CFAP91: variants seen among roughly 807,000 people sequenced by gnomAD.
CFAP91 encodes cilia- and flagella-associated protein 91.
CFAP91 carries 85 observed loss-of-function variants against 95.9 expected under a neutral mutation model. The observed-to-expected ratio is 0.89, with a 90% confidence interval of 0.74 to 1.06. The LOEUF (loss-of-function observed/expected upper bound fraction) is 1.06, where lower values mean the gene tolerates loss of function less well. CFAP91 is among the 50% of genes least tolerant of loss of function. The probability of loss-of-function intolerance (pLI) is 0.00; values close to 1 mark genes in which losing one functional copy is unlikely to be tolerated. For synonymous variants in CFAP91, 335 were observed against 327.5 expected (o/e 1.02, Z -0.25); for missense variants, 962 against 943.4 (o/e 1.02, Z -0.26).
intron 5 of CFAP91, among the ~76,000 whole-genome samples, chr3:119,712,105 A>G (rs1021057780): frequency 1.7e-4 from 26 of 152,238 alleles, no homozygotes; most frequent in Admixed American, 9.8e-4. Context: ...TCAGGCCAGC[A>G]TGGAGCAGAT....
At chr3:119,733,626 C>T (rs2053944761) in intron 10 of CFAP91, 120 bp downstream of exon 10, 2 of 1,025,466 alleles carry the variant, frequency 2.0e-6, no homozygotes, top group Middle Eastern at 2.6e-4. Flanking sequence ...CTCTGCTCTG[C>T]ACTTTTCTGA....
intron 17 of CFAP91, among the ~76,000 whole-genome samples, chr3:119,758,069 T>C (rs2054466690): frequency 6.6e-6 from 1 of 152,194 alleles, no homozygotes; most frequent in African/African-American, 2.4e-5. Flanking sequence ...GGTTGGTTGG[T>C]TGGTTTTTGG....
Position 119,739,511 on chromosome 3 carries a change from G to C in CFAP91, c.1533+185G>C, listed in dbSNP as rs1374102850. 8.9e-6 allele frequency: 5 copies of C among 560,338 alleles called. No homozygotes were observed. The African/African-American group carries it at 9.4e-5, about 11-fold the overall frequency. 34.7% of individuals were successfully genotyped at this position (560,338 alleles called of 1,614,324 possible). On this transcript the variant is annotated intron_variant, in intron 12 of 17. Coordinates refer to ENST00000273390, the MANE Select transcript of CFAP91 (RefSeq NM_033364.4). Reference sequence around the variant, plus strand: ...TCCTTCTAATGGCATCATTTGTCCAGGTGGGTGGCACAGTGTCAAGGAGAG... The same window carrying C: ...TCCTTCTAATGGCATCATTTGTCCACGTGGGTGGCACAGTGTCAAGGAGAG...
chr3:119,707,045 G>A (rs1388009938), intron 2 of CFAP91, 160 bp downstream of exon 2: 11 of 614,610 alleles, frequency 1.8e-5, no homozygotes, highest in South Asian at 6.2e-5. Flanking sequence ...ATCTTAATAC[G>A]TGTGGCTCAT....
intron 7 of CFAP91, among the ~76,000 whole-genome samples, chr3:119,728,124 G>GCTA (rs1042280271): frequency 6.9e-6 from 1 of 145,158 alleles, no homozygotes; most frequent in African/African-American, 2.9e-5. Flanking sequence ...ATAATAATAT[G>GCTA]ATAATGATGA....
At chr3:119,722,550 G>A (rs2107873721) in intron 6 of CFAP91, among the ~76,000 whole-genome samples, 1 of 152,170 alleles carries the variant, frequency 6.6e-6, no homozygotes, top group Admixed American at 6.5e-5. Context: ...GTGTAGTAAT[G>A]TGATCATAGC....
chr3:119,741,355 G>GA lies in CFAP91; in HGVS notation c.1680+666dup, dbSNP rs748288125. On this transcript the variant is annotated intron_variant, in intron 13 of 17. Transcript: ENST00000273390. Reference sequence around the variant, plus strand: ...ACTGAATAAATAACAAAAGCAACATGAAAAAAGTGAGAAATAAGATTTATC... The same window carrying GA: ...ACTGAATAAATAACAAAAGCAACATGAAAAAAAGTGAGAAATAAGATTTATC... 1.4e-4 allele frequency among the ~76,000 whole-genome samples: 22 copies of GA among 152,136 alleles called. No individual in the cohort carries two copies. The South Asian group carries it at 2.1e-3, about 14-fold the overall frequency.
At chr3:119,736,567 C>T (rs539500086) in intron 10 of CFAP91, among the ~76,000 whole-genome samples, 5 of 152,202 alleles carry the variant, frequency 3.3e-5, no homozygotes, top group South Asian at 4.2e-4. Flanking sequence ...TGAGCCACCG[C>T]GCCCGGCCTA....
chr3:119,755,646 G>C (rs936538215), intron 17 of CFAP91, among the ~76,000 whole-genome samples: 2 of 152,142 alleles, frequency 1.3e-5, no homozygotes, highest in African/African-American at 4.8e-5. Context: ...CTAGAACTGT[G>C]AGAAAAGAAA....
intron 1 of CFAP91, chr3:119,706,469 T>C (rs2053366106): frequency 4.6e-6 from 1 of 215,266 alleles, no homozygotes; most frequent in South Asian, 1.0e-4. Flanking sequence ...GAAGAATTTT[T>C]TGGGTTACCC....
At chr3:119,752,761 A>G (rs975544252) in intron 17 of CFAP91, among the ~76,000 whole-genome samples, 1 of 152,234 alleles carries the variant, frequency 6.6e-6, no homozygotes, top group Non-Finnish European at 1.5e-5. Flanking sequence ...ATCATCTTCT[A>G]TTTATACTTA....
At chr3:119,730,580 AG>A (rs774503811) in intron 8 of CFAP91, among the ~76,000 whole-genome samples, 1 of 149,840 alleles carries the variant, frequency 6.7e-6, no homozygotes, top group African/African-American at 2.5e-5. Context: ...GTGTCCTAAC[AG>A]GTAGTCGAGT....
At chr3:119,723,644 A>G (rs1577212813) in intron 6 of CFAP91, among the ~76,000 whole-genome samples, 1 of 152,342 alleles carries the variant, frequency 6.6e-6, no homozygotes, top group East Asian at 1.9e-4. Flanking sequence ...AAACATCAGT[A>G]CTGTGTCTTG....
At chr3:119,718,545 A>G (rs2053622378) in intron 6 of CFAP91, among the ~76,000 whole-genome samples, 1 of 152,212 alleles carries the variant, frequency 6.6e-6, no homozygotes. Flanking sequence ...ATTAGCCTTC[A>G]CACTGAAAAA....
chr3:119,743,478 G>C (rs1168598092), intron 13 of CFAP91, among the ~76,000 whole-genome samples: 1 of 152,090 alleles, frequency 6.6e-6, no homozygotes, highest in African/African-American at 2.4e-5. Flanking sequence ...AAAGTAAAAA[G>C]TACCAAGGTT....
chr3:119,757,770 C>T (rs936615648), intron 17 of CFAP91, among the ~76,000 whole-genome samples: 2 of 151,980 alleles, frequency 1.3e-5, no homozygotes, highest in Non-Finnish European at 2.9e-5. Flanking sequence ...TTGCCAAGGG[C>T]AGAGGGACAT....
intron 17 of CFAP91, among the ~76,000 whole-genome samples, chr3:119,757,433 C>T (rs1376061115): frequency 6.6e-6 from 1 of 152,064 alleles, no homozygotes; most frequent in Non-Finnish European, 1.5e-5. Flanking sequence ...CAGTTCAGCT[C>T]AGGAGTTCGC....
intron 6 of CFAP91, among the ~76,000 whole-genome samples, chr3:119,719,376 T>A (rs2053639386): frequency 6.6e-6 from 1 of 152,192 alleles, no homozygotes; most frequent in Non-Finnish European, 1.5e-5. Context: ...TTATATGGGA[T>A]GTTTGTTTTT....
rs761563712 is a variant in CFAP91, at chr3:119,737,458, T to C, written c.1437T>C (p.Thr479=). 88 of 1,606,026 alleles carry C rather than the reference T, an allele frequency of 5.5e-5. No individual in the cohort carries two copies. Among genetic ancestry groups the C allele is most frequent in the Non-Finnish European group, 7.3e-5 (86 of 1,176,736 alleles). The change falls in exon 11 of 18, where the codon ACT becomes ACC. Residue 479 remains threonine (T), a synonymous_variant. Transcript: ENST00000273390. ...RNPIPQPRLP[T]PTLEMTSNEE... ...CAATACCTCAACCTCGGCTTCCAAC[T>C]CCAACCTTGGAAATGACGTCCAATG... is the stretch of plus-strand genomic sequence containing the variant.
Sources: allele counts gnomAD v4.1 joint callset (sites outside exome capture counted in the v4.1 genomes callset), GRCh38; gene constraint gnomAD v4.1.1; transcripts MANE v1.5; gene names NCBI Gene and HGNC (gene_info 2026-07-23, HGNC 2026-07-21).